CRACDL: variants seen among roughly 807,000 people sequenced by gnomAD.
CRACDL encodes the protein CRACD-like protein.
Under a neutral mutation model 70.6 loss-of-function variants are expected in CRACDL, and 26 were observed. The ratio of observed to expected loss-of-function variants is 0.37; its 90% CI spans 0.27 to 0.51. The LOEUF is 0.51. Ranked by LOEUF, CRACDL falls within the 20% of genes least tolerant of loss-of-function variation. CRACDL has a pLI of 0.94. For synonymous variants in CRACDL, 618 were observed against 615.2 expected, an observed-to-expected ratio of 1.00 and a Z score of -0.07; for missense variants, 1,283 against 1,376.9, an observed-to-expected ratio of 0.93 and a Z score of 1.08.
rs563743179 is a variant in CRACDL, at chr2:98,902,875, C to G, written c.-11+33063G>C. Among the ~76,000 whole-genome samples the G allele has an allele frequency of 3.0e-3, 459 of 152,228 alleles. 2 individuals carry two copies. The highest frequency in any genetic ancestry group is 3.6e-3 in the Non-Finnish European group (243 of 68,008). On this transcript the variant is annotated intron_variant, in intron 1 of 9. Transcript: ENST00000397899. ...AGGCAAAGAAGCCCCAGAAAACATGCCCCCACATTTACTACCTCTACTTAG... is the reference window on the plus strand; with the variant it reads ...AGGCAAAGAAGCCCCAGAAAACATGGCCCCACATTTACTACCTCTACTTAG...
chr2:98,934,195 CTTTTTT>C (rs34592936), intron 1 of CRACDL, among the ~76,000 whole-genome samples: 2 of 80,080 alleles, frequency 2.5e-5, no homozygotes, highest in African/African-American at 4.8e-5. Flanking sequence ...AAGATTCATC[CTTTTTT>C]TTTTTTTTTT....
chr2:98,834,745 C>T (rs1370528838), intron 3 of CRACDL, among the ~76,000 whole-genome samples: 3 of 152,034 alleles, frequency 2.0e-5, no homozygotes, highest in African/African-American at 7.2e-5. Flanking sequence ...ATCTCTAAAA[C>T]TAGAAAACAA....
At chr2:98,868,293 A>G (rs1286637645) in intron 1 of CRACDL, among the ~76,000 whole-genome samples, 1 of 152,302 alleles carries the variant, frequency 6.6e-6, no homozygotes, top group East Asian at 1.9e-4. Flanking sequence ...GGGTCTTTCC[A>G]AAGAAGCAAC....
chr2:98,836,283 C>A (rs1009693766), intron 3 of CRACDL, among the ~76,000 whole-genome samples: 1 of 152,116 alleles, frequency 6.6e-6, no homozygotes, highest in Non-Finnish European at 1.5e-5. Context: ...AGCTGTTTTC[C>A]CCACAGTGAT....
chr2:98,837,646 T>C (rs1234909803), intron 3 of CRACDL, among the ~76,000 whole-genome samples: 1 of 152,186 alleles, frequency 6.6e-6, no homozygotes, highest in Non-Finnish European at 1.5e-5. Flanking sequence ...TTCTTTATGA[T>C]ATTTTTGGAT....
At chr2:98,857,201 G>T (rs532814078) in intron 1 of CRACDL, among the ~76,000 whole-genome samples, 1 of 152,084 alleles carries the variant, frequency 6.6e-6, no homozygotes, top group Admixed American at 6.5e-5. Flanking sequence ...CAGCTACATT[G>T]GAGTAAGAAA....
chr2:98,921,164 A>G (rs999877414), intron 1 of CRACDL, among the ~76,000 whole-genome samples: 3 of 152,216 alleles, frequency 2.0e-5, no homozygotes, highest in Admixed American at 2.0e-4. Context: ...CTGCCTGACT[A>G]TGGCCCAGAC....
At chr2:98,906,557 T>C (rs948737172) in intron 1 of CRACDL, among the ~76,000 whole-genome samples, 26 of 152,270 alleles carry the variant, frequency 1.7e-4, no homozygotes, top group Admixed American at 1.0e-3. Context: ...CCATTGCACC[T>C]GGCCATCCAA....
chr2:98,932,010 C>T (rs1709090946), intron 1 of CRACDL, among the ~76,000 whole-genome samples: 1 of 152,002 alleles, frequency 6.6e-6, no homozygotes, highest in South Asian at 2.1e-4. Context: ...CTTAATCTGA[C>T]CTAAAGTTTT....
intron 1 of CRACDL, among the ~76,000 whole-genome samples, chr2:98,889,206 A>G (rs901024568): frequency 2.0e-5 from 3 of 150,654 alleles, no homozygotes; most frequent in Admixed American, 1.3e-4. Context: ...GAAAAGAAGG[A>G]AGGAAGGGGA....
chr2:98,918,020 A>T (rs1463904611), intron 1 of CRACDL, among the ~76,000 whole-genome samples: 1 of 152,312 alleles, frequency 6.6e-6, no homozygotes, highest in African/African-American at 2.4e-5. Flanking sequence ...CCAATCATCC[A>T]TTAATGGACA....
intron 1 of CRACDL, among the ~76,000 whole-genome samples, chr2:98,934,182 G>A (rs1709152061): frequency 6.7e-6 from 1 of 148,806 alleles, no homozygotes; most frequent in South Asian, 2.1e-4. Context: ...ACTGAGATTG[G>A]TCAAGATTCA....
chr2:98,826,953 G>A (rs530010934), intron 6 of CRACDL, 22 bp downstream of exon 6: 18 of 1,591,860 alleles, frequency 1.1e-5, no homozygotes, highest in Non-Finnish European at 1.5e-5. Context: ...CTGCCTCTGT[G>A]TGGAGAAGGA....
intron 1 of CRACDL, among the ~76,000 whole-genome samples, chr2:98,861,418 G>C (rs2104572893): frequency 6.6e-6 from 1 of 152,258 alleles, no homozygotes; most frequent in East Asian, 1.9e-4. Flanking sequence ...TAATAAAAGA[G>C]ATAGATAATA....
intron 3 of CRACDL, among the ~76,000 whole-genome samples, chr2:98,836,663 G>T (rs1705795947): frequency 6.6e-6 from 1 of 152,174 alleles, no homozygotes; most frequent in East Asian, 1.9e-4. Flanking sequence ...CTCCAGTCAA[G>T]AGACAGGGGT....
At chr2:98,927,851 TG>T (rs1429213083) in intron 1 of CRACDL, among the ~76,000 whole-genome samples, 1 of 152,104 alleles carries the variant, frequency 6.6e-6, no homozygotes, top group Non-Finnish European at 1.5e-5. Context: ...TCTAGTAGTG[TG>T]GAAAAGAGGC....
rs528750787 is a variant in CRACDL, at chr2:98,823,996, T to C, written c.736-459A>G. ...AGCCTGGGCAAGCAGGTGGCCGAGCTGAACAGCTGGGACTCTATGGCTCTG... is the reference window on the plus strand; with the variant it reads ...AGCCTGGGCAAGCAGGTGGCCGAGCCGAACAGCTGGGACTCTATGGCTCTG... On this transcript the variant is annotated intron_variant, in intron 6 of 9. Transcript: ENST00000397899. The surrounding 1 kb of genome is among the most constrained non-coding windows in gnomAD (Gnocchi z 4.0). Among the ~76,000 whole-genome samples, 21 of 152,308 alleles carry C rather than the reference T, an allele frequency of 1.4e-4. No homozygotes were observed. The East Asian group carries it at 4.0e-3, about 29-fold the overall frequency.
Position 98,922,804 on chromosome 2 carries a change from C to T in CRACDL, c.-11+13134G>A, listed in dbSNP as rs1483112568. 2.0e-5 allele frequency among the ~76,000 whole-genome samples: 3 copies of T among 152,178 alleles called. No individual in the cohort carries two copies. In the East Asian group the frequency reaches 5.8e-4, roughly 29 times the overall value. On this transcript the variant is annotated intron_variant, in intron 1 of 9. Coordinates refer to ENST00000397899, the MANE Select transcript of CRACDL (RefSeq NM_207362.3). ...GAGGGGCCTGGGATGTCTCATGATCCCTGAGCAGACAAAACAACTTGTATA... is the reference window on the plus strand; with the variant it reads ...GAGGGGCCTGGGATGTCTCATGATCTCTGAGCAGACAAAACAACTTGTATA...
At chr2:98,798,115 G>A (rs752321324) in intron 7 of CRACDL, among the ~76,000 whole-genome samples, 2 of 152,106 alleles carry the variant, frequency 1.3e-5, no homozygotes, top group Admixed American at 1.3e-4. Flanking sequence ...AGGCCAAGAG[G>A]GGGTGGATCA....
Sources: allele counts gnomAD v4.1 joint callset (sites outside exome capture counted in the v4.1 genomes callset), GRCh38; gene constraint gnomAD v4.1.1; non-coding constraint Gnocchi (gnomAD v3.1); transcripts MANE v1.5; gene names NCBI Gene and HGNC (gene_info 2026-07-23, HGNC 2026-07-21).